The following SLA variants were observed in gnomAD, a reference collection of about 807,000 sequenced individuals.
The protein encoded by SLA is src-like-adapter.
A neutral mutation model predicts 30.3 loss-of-function variants in SLA; 16 were observed. The ratio of observed to expected loss-of-function variants is 0.53; its 90% confidence interval spans 0.36 to 0.80. The LOEUF is 0.80. SLA is among the 30% of genes least tolerant of loss of function. The probability of loss-of-function intolerance (pLI) is 0.01; values close to 1 mark genes in which losing one functional copy is unlikely to be tolerated. For synonymous variants in SLA, 143 were observed against 137.8 expected (o/e 1.04, Z -0.26); for missense variants, 310 against 345.2 (o/e 0.90, Z 0.81).
chr8:133,043,545 G>A (rs993455930), intron 7 of SLA, among the ~76,000 whole-genome samples: 1 of 152,208 alleles, frequency 6.6e-6, no homozygotes, highest in Non-Finnish European at 1.5e-5. Context: ...ATGAACGATT[G>A]TGTTTAATAA....
At chr8:133,048,200 A>G (rs189480364) in intron 5 of SLA, among the ~76,000 whole-genome samples, 18 of 152,114 alleles carry the variant, frequency 1.2e-4, no homozygotes, top group Non-Finnish European at 2.9e-5. Context: ...ACCTCACTTC[A>G]CTGCTGCTCT....
chr8:133,084,781 A>G (rs1048500521), intron 1 of SLA, among the ~76,000 whole-genome samples: 2 of 152,232 alleles, frequency 1.3e-5, no homozygotes, highest in Admixed American at 6.5e-5. Context: ...AGGCCTCCAC[A>G]CTGTGCCTCC....
At chr8:133,097,158 G>C (rs1848549116) in intron 1 of SLA, among the ~76,000 whole-genome samples, 1 of 152,206 alleles carries the variant, frequency 6.6e-6, no homozygotes, top group Admixed American at 6.5e-5. Context: ...TGCATGACAT[G>C]GGTCTCTGTT....
intron 2 of SLA, among the ~76,000 whole-genome samples, chr8:133,071,070 T>C (rs1291692435): frequency 1.3e-5 from 2 of 152,230 alleles, no homozygotes; most frequent in Non-Finnish European, 2.9e-5. Context: ...CTATAAGTAG[T>C]GAGGGAGCCA....
intron 7 of SLA, among the ~76,000 whole-genome samples, chr8:133,042,758 A>G (rs1202675751): frequency 7.7e-6 from 1 of 129,506 alleles, no homozygotes; most frequent in Non-Finnish European, 1.5e-5. Context: ...CAGCAGCACT[A>G]TCTCAGCTCA....
At chr8:133,048,077 A>G in intron 5 of SLA, 144 bp from the exon 6 acceptor site, 1 of 594,414 alleles carries the variant, frequency 1.7e-6, no homozygotes, top group Non-Finnish European at 3.0e-6. Context: ...TCTCTTCCAC[A>G]GATGAGAATA....
chr8:133,068,913 AGGCTATAAATGGGGTTT>A (rs1282321077), intron 2 of SLA, among the ~76,000 whole-genome samples: 1 of 152,286 alleles, frequency 6.6e-6, no homozygotes, highest in Non-Finnish European at 1.5e-5. Context: ...TGACAAAACC[AGGCTATAAATGGGGTTT>A]GGCCTAGGCC....
intron 2 of SLA, among the ~76,000 whole-genome samples, chr8:133,065,252 T>C (rs1359818381): frequency 6.6e-6 from 1 of 152,216 alleles, no homozygotes; most frequent in Non-Finnish European, 1.5e-5. Flanking sequence ...CAGTATGTCC[T>C]GGGTTGCTCA....
In SLA at chr8:133,074,965, C is replaced by T. The variant is rs1056434111; in HGVS notation, c.-153G>A. The T allele has an allele frequency of 2.0e-5, 20 of 985,326 alleles. No individual in the cohort carries two copies. Among genetic ancestry groups the T allele is most frequent in the East Asian group, 1.1e-4 (1 of 8,820 alleles). 61.0% of individuals were successfully genotyped at this position (985,326 alleles called of 1,614,324 possible). A position where few individuals can be genotyped will look rare whatever the true frequency, so the allele number is the denominator to read the frequency against. ...TGCTGCTCCAGAATAAACAGGCAGC[C>T]GGGCTTCTCGCGGTTGTGGAGAAGC... is the stretch of plus-strand genomic sequence containing the variant. On this transcript the variant is annotated 5_prime_UTR_variant, in exon 2 of 9. Coordinates refer to ENST00000338087, the MANE Select transcript of SLA (RefSeq NM_001045556.3).
intron 2 of SLA, among the ~76,000 whole-genome samples, chr8:133,069,591 G>A (rs1843641975): frequency 6.6e-6 from 1 of 152,230 alleles, no homozygotes; most frequent in Non-Finnish European, 1.5e-5. Flanking sequence ...TGAGTGGTGA[G>A]TGACCGTCTC....
intron 3 of SLA, among the ~76,000 whole-genome samples, chr8:133,053,580 T>C (rs1247982381): frequency 6.6e-6 from 1 of 152,192 alleles, no homozygotes; most frequent in Non-Finnish European, 1.5e-5. Flanking sequence ...GTGTGTGTTC[T>C]CTGTGACAAT....
At position 133,042,640 on chromosome 8, in the gene SLA, A is replaced by G. The variant is rs577963060; in HGVS notation, c.484+2344T>C. 2.0e-4 allele frequency among the ~76,000 whole-genome samples: 30 copies of G among 146,386 alleles called. No individual in the cohort carries two copies. In the East Asian group the frequency reaches 2.8e-3, roughly 13 times the overall value. On this transcript the variant is annotated intron_variant, in intron 7 of 8. Coordinates refer to ENST00000338087, the MANE Select transcript of SLA (RefSeq NM_001045556.3). ...ATAAGCAACCTGTTGCTAGATGTCAATTCAAACCCCTGGTGCACAATTCCT... is the reference window on the plus strand; with the variant it reads ...ATAAGCAACCTGTTGCTAGATGTCAGTTCAAACCCCTGGTGCACAATTCCT...
chr8:133,071,331 T>C (rs955962632), intron 2 of SLA, among the ~76,000 whole-genome samples: 3 of 152,324 alleles, frequency 2.0e-5, no homozygotes, highest in East Asian at 3.9e-4. Context: ...TGGAAAGTGC[T>C]GGAGGTGGTA....
chr8:133,101,529 C>T (rs959209918), intron 1 of SLA, among the ~76,000 whole-genome samples: 3 of 152,164 alleles, frequency 2.0e-5, no homozygotes, highest in African/African-American at 7.2e-5. Context: ...TGATACCCAC[C>T]CAGCCCCTCC....
chr8:133,057,678 C>A (rs1255210082), intron 3 of SLA, among the ~76,000 whole-genome samples: 1 of 151,612 alleles, frequency 6.6e-6, no homozygotes. Context: ...CTATTTCCCT[C>A]AAGTCCTGCT....
At chr8:133,050,621 T>TG (rs1260712964) in intron 4 of SLA, 195 bp downstream of exon 4, 4 of 523,544 alleles carry the variant, frequency 7.6e-6, no homozygotes, top group Non-Finnish European at 1.4e-5. Flanking sequence ...TACCAGGCAG[T>TG]GGGGAGCTAT....
chr8:133,053,143 C>T (rs1840735079), intron 3 of SLA, among the ~76,000 whole-genome samples: 1 of 152,146 alleles, frequency 6.6e-6, no homozygotes, highest in Admixed American at 6.5e-5. Flanking sequence ...CCACCTTTGT[C>T]AACTCTAAAC....
rs1447570672 is a variant in SLA at position 133,067,865 on chromosome 8, AGAAAGGAAGGAAGGAAGGAAGTATGTAT to A, written c.-41+6960_-41+6987del. ...GACAGAGAGAGAGAGAAAGAAAGAA[AGAAAGGAAGGAAGGAAGGAAGTATGTAT>A]GGAAGGAAGGAAGGAAGGAAGGAAA... is the stretch of plus-strand genomic sequence containing the variant. On this transcript the variant is annotated intron_variant, in intron 2 of 8. Coordinates refer to ENST00000338087, the MANE Select transcript of SLA (RefSeq NM_001045556.3). Among the ~76,000 whole-genome samples the A allele has an allele frequency of 4.5e-4, 24 of 53,686 alleles. No homozygotes were observed. The South Asian group carries it at 9.6e-3, about 22-fold the overall frequency. 35.2% of individuals were successfully genotyped at this position (53,686 alleles called of 152,430 possible).
intron 5 of SLA, 88 bp downstream of exon 5, chr8:133,049,814 A>T: frequency 1.1e-6 from 1 of 927,982 alleles, no homozygotes; most frequent in Non-Finnish European, 1.8e-6. Context: ...CTTCCTTACC[A>T]CTATGAATGC....
Sources: gnomAD v4.1 joint callset for allele counts (sites outside exome capture counted in the v4.1 genomes callset) on GRCh38, gnomAD v4.1.1 for gene constraint, MANE v1.5 for transcripts, NCBI Gene and HGNC (gene_info 2026-07-23, HGNC 2026-07-21) for gene names.